The following PDE12 variants were observed in gnomAD, a reference collection of about 807,000 sequenced individuals.
The protein encoded by PDE12 is phosphodiesterase 12.
PDE12 carries 26 observed loss-of-function variants against 45.4 expected under a neutral mutation model. That is an observed-to-expected ratio of 0.57 (90% confidence interval 0.42 to 0.79). The LOEUF (loss-of-function observed/expected upper bound fraction) is 0.79. Ranked by LOEUF, PDE12 falls within the 30% of genes least tolerant of loss-of-function variation. The pLI is 0.00. For synonymous variants in PDE12, 283 were observed against 323.9 expected (o/e 0.87, Z 1.36); for missense variants, 668 against 790.0 (o/e 0.85, Z 1.85).
the PDE12 span, among the ~76,000 whole-genome samples, chr3:57,632,301 G>A: frequency 8.6e-5 from 13 of 151,990 alleles, no homozygotes; most frequent in Non-Finnish European, 1.3e-4. Context: ...TGGGATTACA[G>A]ACGTGAGCCA....
At position 57,563,182 on chromosome 3, in the gene PDE12, A is replaced by G. The variant is rs1479783511; in HGVS notation, c.*3178A>G. The G allele has an allele frequency of 1.3e-5, 2 of 152,052 alleles. No individual in the cohort carries two copies. Among genetic ancestry groups the G allele is most frequent in the Non-Finnish European group, 2.9e-5 (2 of 68,000 alleles). The allele number at this position is 152,052 out of a possible 1,614,324, so 9.4% of individuals were successfully genotyped here. ...CAACTCAGAAAATATTCTCAGCATA[A>G]TTTTTTTAAGAGATAGAGTCTCACT... On this transcript the variant is annotated 3_prime_UTR_variant, in exon 3 of 3. Transcript: ENST00000311180.
At chr3:57,575,800 G>A in the PDE12 span, 3 of 1,056,046 alleles carry the variant, frequency 2.8e-6, no homozygotes, top group African/African-American at 3.3e-5. Context: ...TCGACACAAA[G>A]TTCACTCTTA....
chr3:57,639,754 T>C, the PDE12 span, among the ~76,000 whole-genome samples: 1 of 151,950 alleles, frequency 6.6e-6, no homozygotes, highest in Non-Finnish European at 1.5e-5. Flanking sequence ...CAGTTCTGAT[T>C]GCCAAGATGA....
chr3:57,598,648 G>A, the PDE12 span, among the ~76,000 whole-genome samples: 1 of 152,144 alleles, frequency 6.6e-6, no homozygotes, highest in Middle Eastern at 3.2e-3. Flanking sequence ...GGGCGTGGTG[G>A]CGGGTGCCTA....
the PDE12 span, chr3:57,575,671 A>T: frequency 6.2e-7 from 1 of 1,606,380 alleles, no homozygotes. Context: ...CATCTACCAG[A>T]AGCTGGAAAT....
At chr3:57,598,176 G>A in the PDE12 span, 1 of 151,818 alleles carries the variant, frequency 6.6e-6, no homozygotes, top group African/African-American at 2.4e-5. Flanking sequence ...GGCCTGGCGC[G>A]GTGACTCACC....
the PDE12 span, among the ~76,000 whole-genome samples, chr3:57,645,973 G>C: frequency 6.6e-6 from 1 of 152,172 alleles, no homozygotes; most frequent in Non-Finnish European, 1.5e-5. Context: ...AAGATGCGGT[G>C]AAATTCTGGC....
the PDE12 span, chr3:57,631,172 C>T: frequency 1.8e-6 from 1 of 569,588 alleles, no homozygotes; most frequent in African/African-American, 1.9e-5. Context: ...AAAAATTCAA[C>T]TAAATCTTAG....
At chr3:57,605,300 T>A in the PDE12 span, among the ~76,000 whole-genome samples, 1 of 152,050 alleles carries the variant, frequency 6.6e-6, no homozygotes, top group Non-Finnish European at 1.5e-5. Flanking sequence ...GAAGTTTCCT[T>A]AGAATATTCA....
the PDE12 span, among the ~76,000 whole-genome samples, chr3:57,655,634 A>C: frequency 2.6e-5 from 4 of 152,182 alleles, no homozygotes; most frequent in African/African-American, 9.6e-5. Context: ...ATATTTTTTT[A>C]AATTACGTTC....
the PDE12 span, among the ~76,000 whole-genome samples, chr3:57,623,513 G>A: frequency 7.9e-5 from 12 of 151,928 alleles, no homozygotes; most frequent in South Asian, 4.2e-4. Flanking sequence ...ACCCCATCTC[G>A]ACTAAAAGTA....
At chr3:57,579,674 T>C in the PDE12 span, among the ~76,000 whole-genome samples, 1 of 152,230 alleles carries the variant, frequency 6.6e-6, no homozygotes, top group African/African-American at 2.4e-5. Flanking sequence ...TTACATCCAT[T>C]AAATGACAAT....
Position 57,564,218 on chromosome 3 carries a change from G to A in PDE12, c.*4214G>A, listed in dbSNP as rs1270225147. 1 of 151,928 alleles carries A rather than the reference G, an allele frequency of 6.6e-6. No individual in the cohort carries two copies. Among genetic ancestry groups the A allele is most frequent in the African/African-American group, 2.4e-5 (1 of 41,336 alleles). The allele number at this position is 151,928 out of a possible 1,614,324, so 9.4% of individuals were successfully genotyped here. On this transcript the variant is annotated 3_prime_UTR_variant, in exon 3 of 3. Transcript: ENST00000311180. Reference sequence around the variant, plus strand: ...TGCTGGGATTACAGGCATGAGCCACGGTACCCGGCCTAAATTTTAATTTTA... The same window carrying A: ...TGCTGGGATTACAGGCATGAGCCACAGTACCCGGCCTAAATTTTAATTTTA...
At chr3:57,645,820 A>G in the PDE12 span, 1 of 1,201,994 alleles carries the variant, frequency 8.3e-7, no homozygotes, top group East Asian at 2.4e-5. Flanking sequence ...ATCTATAACT[A>G]GAAAACATCT....
In PDE12 at chr3:57,556,807, A is replaced by G. The variant is rs767641662; in HGVS notation, c.428A>G (p.Gln143Arg). 6.2e-7 allele frequency: 1 copy of G among 1,612,772 alleles called. No individual in the cohort carries two copies. The highest frequency in any genetic ancestry group is 1.7e-5 in the Admixed American group (1 of 60,016). The part of the protein sequence containing the change: ...AEDVLNVDAW[Q>R]DGAVLQIGDV... ...GACGTGCTCAACGTGGATGCCTGGC[A>G]AGACGGCGCGGTGCTGCAGATCGGC... Residue 143 changes from glutamine to arginine, a missense_variant, in exon 1 of 3, where the codon CAA becomes CGA. Gln to Arg is a conservative substitution (Grantham distance 43). Around this residue, in one of 3 missense-constraint regions of PDE12, gnomAD observed 580 missense variants for 662.9 expected, o/e 0.87. Transcript: ENST00000311180. This position sits in a 1 kb window ranked among gnomAD's most constrained non-coding sequence, Gnocchi z 5.0.
chr3:57,601,806 G>A, the PDE12 span, among the ~76,000 whole-genome samples: 6 of 136,816 alleles, frequency 4.4e-5, no homozygotes, highest in East Asian at 4.3e-4. Context: ...GTGCAGTGGC[G>A]CTATCTCAGC....
chr3:57,638,371 AAACAGGCTGGGTGTGGT>A, the PDE12 span, among the ~76,000 whole-genome samples: 1 of 151,920 alleles, frequency 6.6e-6, no homozygotes, highest in African/African-American at 2.4e-5. Context: ...AATGGCCAAT[AAACAGGCTGGGTGTGGT>A]GGCTCACGCC....
At chr3:57,609,349 T>C in the PDE12 span, among the ~76,000 whole-genome samples, 5 of 151,862 alleles carry the variant, frequency 3.3e-5, no homozygotes, top group Admixed American at 1.3e-4. Flanking sequence ...AGCAAACACA[T>C]TGAAAAGCTA....
chr3:57,574,145 T>TCAA, the PDE12 span, among the ~76,000 whole-genome samples: 1 of 151,780 alleles, frequency 6.6e-6, no homozygotes, highest in Admixed American at 6.6e-5. Context: ...TTCATCATCT[T>TCAA]GGCCATGTTG....
Sources: allele counts gnomAD v4.1 joint callset (sites outside exome capture counted in the v4.1 genomes callset), GRCh38; gene constraint gnomAD v4.1.1; regional missense constraint gnomAD v4.1.1; non-coding constraint Gnocchi (gnomAD v3.1); transcripts MANE v1.5; gene names NCBI Gene and HGNC (gene_info 2026-07-23, HGNC 2026-07-21).